ZNF445: variants seen among roughly 807,000 people sequenced by gnomAD.
ZNF445 encodes the protein zinc finger protein 445.
A neutral mutation model predicts 93.9 loss-of-function variants in ZNF445; 19 were observed. The ratio of observed to expected loss-of-function variants is 0.20; its 90% CI spans 0.14 to 0.30. The LOEUF is 0.30. Among genes scored for constraint, ZNF445 ranks in the 10% least tolerant of loss-of-function variants. The pLI is 1.00. For missense variants in ZNF445, 1,058 were observed against 1,259.4 expected (o/e 0.84, Z 2.42); for synonymous variants, 449 against 446.3 (o/e 1.01, Z -0.08).
rs564725112 is a variant in ZNF445 at position 44,457,807 on chromosome 3, C to T, written c.-148+437G>A. ...CACGAGGTCAGAAGTTTGGGACCAGCCTGACCAACACAGTGAAACGCCATC... is the reference window on the plus strand; with the variant it reads ...CACGAGGTCAGAAGTTTGGGACCAGTCTGACCAACACAGTGAAACGCCATC... On this transcript the variant is annotated intron_variant, in intron 2 of 7. Transcript: ENST00000396077. Among the ~76,000 whole-genome samples, 101 of 151,754 alleles carry T rather than the reference C, an allele frequency of 6.7e-4. 2 individuals are homozygous for T. In the South Asian group the frequency reaches 0.02, roughly 30 times the overall value.
At chr3:44,467,034 G>A (rs1005679135) in intron 1 of ZNF445, among the ~76,000 whole-genome samples, 1 of 152,096 alleles carries the variant, frequency 6.6e-6, no homozygotes, top group African/African-American at 2.4e-5. Context: ...ATCAGATATA[G>A]GACTCTAAGT....
At chr3:44,454,995 G>T in intron 3 of ZNF445, 126 bp downstream of exon 3, 1 of 1,196,068 alleles carries the variant, frequency 8.4e-7, no homozygotes, top group East Asian at 2.5e-5. Flanking sequence ...AGGTACCATG[G>T]GAAGAAAGGA....
At chr3:44,456,229 A>G (rs1698026614) in intron 2 of ZNF445, among the ~76,000 whole-genome samples, 1 of 152,162 alleles carries the variant, frequency 6.6e-6, no homozygotes, top group South Asian at 2.1e-4. Context: ...CAGCCTGGGC[A>G]ACATGGCAAG....
At chr3:44,471,815 C>T (rs1162917297) in intron 1 of ZNF445, among the ~76,000 whole-genome samples, 5 of 151,124 alleles carry the variant, frequency 3.3e-5, no homozygotes, top group African/African-American at 1.2e-4. Context: ...AGAACTGAAG[C>T]CTTGCTGTGA....
At position 44,435,032 on chromosome 3, in the gene ZNF445, C is replaced by A. The variant is rs537511743; in HGVS notation, c.*11543G>T. 2 of 152,300 alleles carry A rather than the reference C, an allele frequency of 1.3e-5. No individual in the cohort carries two copies. The highest frequency in any genetic ancestry group is 4.8e-5 in the African/African-American group (2 of 41,578). The allele number at this position is 152,300 out of a possible 1,614,324, so 9.4% of individuals were successfully genotyped here. A position where few individuals can be genotyped will look rare whatever the true frequency, so the allele number is the denominator to read the frequency against. ...TGCCAACCCTTCAACTGGGCCTGTACACATGCCCAAGAGGTGGCCTTTTGA... is the reference window on the plus strand; with the variant it reads ...TGCCAACCCTTCAACTGGGCCTGTAAACATGCCCAAGAGGTGGCCTTTTGA... On this transcript the variant is annotated 3_prime_UTR_variant, in exon 8 of 8. Coordinates refer to ENST00000396077, the MANE Select transcript of ZNF445 (RefSeq NM_181489.6).
At chr3:44,475,091 G>A (rs916375496) in intron 1 of ZNF445, among the ~76,000 whole-genome samples, 4 of 152,110 alleles carry the variant, frequency 2.6e-5, no homozygotes, top group East Asian at 1.9e-4. Context: ...GTGAAAGAGC[G>A]TTAACTCTGT....
rs1301665247 is a variant in ZNF445 at position 44,458,008 on chromosome 3, G to A, written c.-148+236C>T. ...AGCCTGGGCGACAGAATAAGACTCCGTCTCAAAAAAAAAAAAAAAAAAAGG... is the reference window on the plus strand; with the variant it reads ...AGCCTGGGCGACAGAATAAGACTCCATCTCAAAAAAAAAAAAAAAAAAAGG... On this transcript the variant is annotated intron_variant, in intron 2 of 7. Coordinates refer to ENST00000396077, the MANE Select transcript of ZNF445 (RefSeq NM_181489.6). Among the ~76,000 whole-genome samples the A allele has an allele frequency of 7.9e-5, 6 of 75,588 alleles. No individual in the cohort carries two copies. The East Asian group carries it at 2.4e-3, about 30-fold the overall frequency. 49.6% of individuals were successfully genotyped at this position (75,588 alleles called of 152,430 possible). A position where few individuals can be genotyped will look rare whatever the true frequency, so the allele number is the denominator to read the frequency against.
Position 44,450,968 on chromosome 3 carries a change from G to A in ZNF445, c.599-6C>T. On this transcript the variant is annotated splice_region_variant and splice_polypyrimidine_tract_variant and intron_variant, in intron 4 of 7. Transcript: ENST00000396077. ...CATCTGGGCAGCAGGAGTATCTGAA[G>A]GAGAAAAAGCCATGAGAGAGCGGCT... 6.3e-7 allele frequency: 1 copy of A among 1,577,766 alleles called. No individual in the cohort carries two copies. The highest frequency in any genetic ancestry group is 1.4e-5 in the African/African-American group (1 of 73,880).
chr3:44,456,579 T>C (rs1698030465), intron 2 of ZNF445, among the ~76,000 whole-genome samples: 2 of 152,012 alleles, frequency 1.3e-5, no homozygotes, highest in East Asian at 1.9e-4. Context: ...GACACATAGG[T>C]CAATGGAATA....
chr3:44,469,825 A>G (rs935001304), intron 1 of ZNF445, among the ~76,000 whole-genome samples: 2 of 152,208 alleles, frequency 1.3e-5, no homozygotes, highest in African/African-American at 2.4e-5. Flanking sequence ...GAGTACATCA[A>G]GTGCAGAAAA....
chr3:44,463,483 C>T (rs139437684), intron 1 of ZNF445, among the ~76,000 whole-genome samples: 1 of 152,298 alleles, frequency 6.6e-6, no homozygotes, highest in Non-Finnish European at 1.5e-5. Context: ...CATGAAACCA[C>T]AGGAATTAAA....
chr3:44,469,753 A>G (rs1333351058), intron 1 of ZNF445, among the ~76,000 whole-genome samples: 1 of 152,064 alleles, frequency 6.6e-6, no homozygotes, highest in East Asian at 1.9e-4. Context: ...TGGGTGACAA[A>G]GCAAAACTCC....
intron 2 of ZNF445, among the ~76,000 whole-genome samples, chr3:44,456,214 G>C (rs567153055): frequency 6.6e-6 from 1 of 152,090 alleles, no homozygotes; most frequent in African/African-American, 2.4e-5. Flanking sequence ...TCAGGAGTTC[G>C]AGACCAGCCT....
In ZNF445 at chr3:44,440,873, T is replaced by G. The variant is rs1697798380; in HGVS notation, c.*5702A>C. ...TACCAGAACTGAGGGTTCCTCTCCTTTTTAGACCATATAGTGTTACTTCCT... is the reference window on the plus strand; with the variant it reads ...TACCAGAACTGAGGGTTCCTCTCCTGTTTAGACCATATAGTGTTACTTCCT... On this transcript the variant is annotated 3_prime_UTR_variant, in exon 8 of 8. Transcript: ENST00000396077. 1 of 152,068 alleles carries G rather than the reference T, an allele frequency of 6.6e-6. No homozygotes were observed. The highest frequency in any genetic ancestry group is 1.5e-5 in the Non-Finnish European group (1 of 68,000). 9.4% of individuals were successfully genotyped at this position (152,068 alleles called of 1,614,324 possible). A position where few individuals can be genotyped will look rare whatever the true frequency, so the allele number is the denominator to read the frequency against.
At chr3:44,454,252 G>C (rs1287809338) in intron 3 of ZNF445, among the ~76,000 whole-genome samples, 1 of 151,394 alleles carries the variant, frequency 6.6e-6, no homozygotes, top group Middle Eastern at 3.2e-3. Context: ...GCTACATGGT[G>C]CCTGCAGAGC....
intron 1 of ZNF445, among the ~76,000 whole-genome samples, chr3:44,470,349 G>A (rs967744370): frequency 2.6e-5 from 4 of 152,116 alleles, no homozygotes; most frequent in Non-Finnish European, 4.4e-5. Flanking sequence ...AAAACAAAAC[G>A]TACAACCGTG....
At position 44,434,736 on chromosome 3, in the gene ZNF445, A is replaced by G. The variant is rs1455907205; in HGVS notation, c.*11839T>C. On this transcript the variant is annotated 3_prime_UTR_variant, in exon 8 of 8. Transcript: ENST00000396077. ...ATGGTCTTTACTCACAGGTATAGAG[A>G]AACATTCACCAGATGGGTAACTGGG... 6.6e-6 allele frequency: 1 copy of G among 152,196 alleles called. No homozygotes were observed. Among genetic ancestry groups the G allele is most frequent in the Non-Finnish European group, 1.5e-5 (1 of 68,042 alleles). The allele number at this position is 152,196 out of a possible 1,614,324, so 9.4% of individuals were successfully genotyped here.
chr3:44,460,420 T>C (rs34994210), intron 1 of ZNF445, among the ~76,000 whole-genome samples: 2,209 of 152,332 alleles, frequency 0.015, 37 homozygotes, highest in Non-Finnish European at 0.022. Flanking sequence ...TTAGAAATTA[T>C]GGTTTAGGAG....
intron 1 of ZNF445, among the ~76,000 whole-genome samples, chr3:44,464,903 G>A (rs1327424807): frequency 6.6e-6 from 1 of 151,756 alleles, no homozygotes; most frequent in Non-Finnish European, 1.5e-5. Flanking sequence ...GTGAAACCCC[G>A]TCTCTTACTA....
Sources: gnomAD v4.1 joint callset for allele counts (sites outside exome capture counted in the v4.1 genomes callset) on GRCh38, gnomAD v4.1.1 for gene constraint, MANE v1.5 for transcripts, NCBI Gene and HGNC (gene_info 2026-07-23, HGNC 2026-07-21) for gene names.